The following NIM1K variants were observed in gnomAD, a reference collection of about 807,000 sequenced individuals.
NIM1K encodes NIM1 serine/threonine protein kinase.
A neutral mutation model predicts 37.1 loss-of-function variants in NIM1K; 35 were observed. The ratio of observed to expected loss-of-function variants is 0.94; its 90% confidence interval spans 0.72 to 1.25. The LOEUF is 1.25. Ranked by LOEUF, NIM1K falls within the 50% of genes most tolerant of loss-of-function variation. The probability of loss-of-function intolerance (pLI) is 0.00; values close to 1 mark genes in which losing one functional copy is unlikely to be tolerated. For missense variants in NIM1K, 564 were observed against 548.0 expected (o/e 1.03, Z -0.29); for synonymous variants, 234 against 206.6 (o/e 1.13, Z -1.14).
intron 1 of NIM1K, among the ~76,000 whole-genome samples, chr5:43,221,447 C>CAAAAA (rs55658060): frequency 4.8e-4 from 59 of 123,970 alleles, no homozygotes; most frequent in African/African-American, 7.3e-4. Context: ...GAGACTGTCT[C>CAAAAA]AAAAAAAAAA....
At chr5:43,246,652 C>T (rs1037110744) in intron 2 of NIM1K, among the ~76,000 whole-genome samples, 4 of 152,202 alleles carry the variant, frequency 2.6e-5, no homozygotes, top group African/African-American at 9.6e-5. Context: ...GATCTCAGAA[C>T]CTTTTCTGTT....
At chr5:43,200,891 C>G (rs943625795) in intron 1 of NIM1K, among the ~76,000 whole-genome samples, 1 of 151,946 alleles carries the variant, frequency 6.6e-6, no homozygotes, top group Non-Finnish European at 1.5e-5. Flanking sequence ...TTTAGGAGGC[C>G]GAGTCGGGTG....
chr5:43,262,923 G>A (rs1456590908), intron 2 of NIM1K, among the ~76,000 whole-genome samples: 3 of 152,052 alleles, frequency 2.0e-5, no homozygotes, highest in African/African-American at 4.8e-5. Context: ...TTATTGATTT[G>A]CGTATGTTGA....
chr5:43,248,847 C>G (rs566871006), intron 2 of NIM1K, among the ~76,000 whole-genome samples: 71 of 139,594 alleles, frequency 5.1e-4, no homozygotes, highest in Non-Finnish European at 9.3e-4. Context: ...CCCACTTGCT[C>G]AGTCTTTTTT....
At chr5:43,200,093 G>A (rs963710017) in intron 1 of NIM1K, among the ~76,000 whole-genome samples, 9 of 152,000 alleles carry the variant, frequency 5.9e-5, no homozygotes, top group African/African-American at 1.5e-4. Flanking sequence ...GGCTGGTCTC[G>A]AACTCCTGAC....
intron 1 of NIM1K, among the ~76,000 whole-genome samples, chr5:43,237,787 T>C (rs866217465): frequency 1.3e-5 from 2 of 152,178 alleles, no homozygotes; most frequent in Non-Finnish European, 2.9e-5. Flanking sequence ...GATTTTTTCC[T>C]TCTACTTTTT....
intron 2 of NIM1K, among the ~76,000 whole-genome samples, chr5:43,264,320 A>G (rs1217698889): frequency 3.9e-5 from 6 of 152,144 alleles, no homozygotes; most frequent in Non-Finnish European, 1.5e-5. Context: ...TTGGATGCGT[A>G]TATGTTTAGG....
At chr5:43,271,406 T>A (rs917091032) in intron 2 of NIM1K, among the ~76,000 whole-genome samples, 1 of 152,190 alleles carries the variant, frequency 6.6e-6, no homozygotes, top group African/African-American at 2.4e-5. Flanking sequence ...CCTTTTATAT[T>A]TATTTGTGAT....
chr5:43,232,054 T>C (rs532160505), intron 1 of NIM1K: 2 of 1,027,858 alleles, frequency 1.9e-6, no homozygotes, highest in East Asian at 3.5e-5. Context: ...CACAGCTCTC[T>C]GTGTCTTGAC....
At chr5:43,197,624 T>A (rs1751938098) in intron 1 of NIM1K, among the ~76,000 whole-genome samples, 1 of 152,196 alleles carries the variant, frequency 6.6e-6, no homozygotes, top group Non-Finnish European at 1.5e-5. Flanking sequence ...TTTTCCACCC[T>A]TTATACTGCC....
At chr5:43,192,603 C>G (rs1001562114) in intron 1 of NIM1K, among the ~76,000 whole-genome samples, 192 bp downstream of exon 1, 1 of 152,216 alleles carries the variant, frequency 6.6e-6, no homozygotes, top group Non-Finnish European at 1.5e-5. Context: ...GGGCGTACCC[C>G]CACACCTGCC....
chr5:43,202,741 G>C (rs911762996), intron 1 of NIM1K, among the ~76,000 whole-genome samples: 2 of 151,974 alleles, frequency 1.3e-5, no homozygotes, highest in Non-Finnish European at 1.5e-5. Flanking sequence ...TGAAGAAAAA[G>C]GTCAGTGTGA....
At chr5:43,198,207 C>CTCTCTCTTTCTTTCTTTCTTTCTT (rs1751957390) in intron 1 of NIM1K, among the ~76,000 whole-genome samples, 1 of 48,872 alleles carries the variant, frequency 2.0e-5, no homozygotes, top group African/African-American at 7.9e-5. Flanking sequence ...TTCTTTCTTT[C>CTCTCTCTTTCTTTCTTTCTTTCTT]TCTTTCTTTC....
At chr5:43,225,974 G>A (rs946271565) in intron 1 of NIM1K, among the ~76,000 whole-genome samples, 2 of 152,226 alleles carry the variant, frequency 1.3e-5, no homozygotes, top group Admixed American at 1.3e-4. Context: ...TGGTGAGTGG[G>A]TCAGTGAGGG....
At chr5:43,276,284 GCC>G (rs1323528870) in intron 2 of NIM1K, among the ~76,000 whole-genome samples, 17 of 152,228 alleles carry the variant, frequency 1.1e-4, no homozygotes, top group African/African-American at 3.4e-4. Flanking sequence ...TTCTGTAGAG[GCC>G]TCAGGAAGCT....
intron 1 of NIM1K, chr5:43,192,995 A>T (rs1328179968): frequency 6.6e-6 from 1 of 152,126 alleles, no homozygotes; most frequent in Non-Finnish European, 1.5e-5. Flanking sequence ...AAAACCTTCC[A>T]TTGCACCCCA....
chr5:43,220,243 T>C (rs1752361294), intron 1 of NIM1K, among the ~76,000 whole-genome samples: 1 of 152,162 alleles, frequency 6.6e-6, no homozygotes, highest in African/African-American at 2.4e-5. Flanking sequence ...TAAATTTTGT[T>C]TATGGTCTAA....
At chr5:43,217,710 T>C (rs1752321874) in intron 1 of NIM1K, among the ~76,000 whole-genome samples, 1 of 11,192 alleles carries the variant, frequency 8.9e-5, no homozygotes, top group East Asian at 3.2e-3. Flanking sequence ...CTCTGTCTAT[T>C]TTTTTTTTTT....
chr5:43,259,878 A>G (rs1753002152), intron 2 of NIM1K, among the ~76,000 whole-genome samples: 1 of 151,864 alleles, frequency 6.6e-6, no homozygotes, highest in African/African-American at 2.4e-5. Context: ...TGTCCAGTAG[A>G]GTTTTTCCTG....
Sources: allele counts gnomAD v4.1 joint callset (sites outside exome capture counted in the v4.1 genomes callset), GRCh38; gene constraint gnomAD v4.1.1; transcripts MANE v1.5; gene names NCBI Gene and HGNC (gene_info 2026-07-23, HGNC 2026-07-21).